The following INTS7 variants were observed in gnomAD, a reference collection of about 807,000 sequenced individuals.
INTS7 encodes chromosome 1 open reading frame 73.
A neutral mutation model predicts 109.2 loss-of-function variants in INTS7; 46 were observed. The ratio of observed to expected loss-of-function variants is 0.42; its 90% CI spans 0.33 to 0.54. The LOEUF is 0.54. INTS7 is among the 20% of genes least tolerant of loss of function. INTS7 has a pLI of 0.07. For missense variants in INTS7, 929 were observed against 1,132.4 expected (o/e 0.82, Z 2.58); for synonymous variants, 412 against 402.9 (o/e 1.02, Z -0.27).
chr1:212,007,813 C>A (rs1666000502), intron 5 of INTS7, among the ~76,000 whole-genome samples: 1 of 152,130 alleles, frequency 6.6e-6, no homozygotes, highest in Admixed American at 6.5e-5. Context: ...TGGCTACAGT[C>A]TGATTATACT....
At chr1:211,963,703 A>G (rs1284922169) in intron 16 of INTS7, among the ~76,000 whole-genome samples, 1 of 152,262 alleles carries the variant, frequency 6.6e-6, no homozygotes, top group Admixed American at 6.5e-5. Flanking sequence ...AATAAATGTG[A>G]TTCATCACAT....
At chr1:212,035,290 G>A in intron 1 of INTS7, 54 bp downstream of exon 1, 1 of 1,193,882 alleles carries the variant, frequency 8.4e-7, no homozygotes, top group Non-Finnish European at 1.3e-6. Context: ...ACCACCTGGT[G>A]GCGCCACTTC....
intron 13 of INTS7, among the ~76,000 whole-genome samples, chr1:211,974,937 G>A (rs1031328576): frequency 4.6e-5 from 7 of 152,138 alleles, no homozygotes; most frequent in Non-Finnish European, 8.8e-5. Flanking sequence ...ATTCTGCATG[G>A]ATTCAGCAAT....
intron 7 of INTS7, among the ~76,000 whole-genome samples, chr1:211,989,960 AC>A (rs1438982263): frequency 6.6e-6 from 1 of 152,218 alleles, no homozygotes; most frequent in Non-Finnish European, 1.5e-5. Flanking sequence ...AAAATGTGTC[AC>A]TTTTTACCTA....
intron 7 of INTS7, among the ~76,000 whole-genome samples, chr1:211,998,759 T>C (rs1318427319): frequency 6.6e-6 from 1 of 151,456 alleles, no homozygotes; most frequent in Non-Finnish European, 1.5e-5. Flanking sequence ...GGAATATTTG[T>C]AAAACATACA....
At chr1:212,028,849 G>A (rs1208656218) in intron 1 of INTS7, among the ~76,000 whole-genome samples, 1 of 152,146 alleles carries the variant, frequency 6.6e-6, no homozygotes, top group Non-Finnish European at 1.5e-5. Flanking sequence ...TGAGGAAACA[G>A]GCACAGACAA....
intron 1 of INTS7, among the ~76,000 whole-genome samples, chr1:212,032,085 C>T (rs935728878): frequency 4.6e-5 from 7 of 152,182 alleles, no homozygotes; most frequent in African/African-American, 1.7e-4. Flanking sequence ...ATACATCCTC[C>T]CAGTAGCTCA....
At chr1:211,956,215 C>T (rs960718486) in intron 16 of INTS7, among the ~76,000 whole-genome samples, 3 of 152,184 alleles carry the variant, frequency 2.0e-5, no homozygotes, top group Non-Finnish European at 4.4e-5. Context: ...CAAGTGACTA[C>T]GTGAGTATTT....
At chr1:211,965,166 C>T (rs1156753647) in intron 16 of INTS7, among the ~76,000 whole-genome samples, 4 of 151,242 alleles carry the variant, frequency 2.6e-5, no homozygotes, top group African/African-American at 9.7e-5. Flanking sequence ...CAAAGACATA[C>T]ACATGGCCAA....
At chr1:212,011,764 T>C (rs563299008) in intron 4 of INTS7, 136 of 203,150 alleles carry the variant, frequency 6.7e-4, no homozygotes, top group Non-Finnish European at 1.2e-3. Context: ...TTTCTGGAAC[T>C]TAGAAAAGTG....
rs193075952 is a variant in INTS7 at position 212,013,945 on chromosome 1, C to T, written c.510-2524G>A. ...AGAATGTAACCTCATAGTTAAGAGACGTGTGACTGAAATTTTTAAAAGTCC... is the reference window on the plus strand; with the variant it reads ...AGAATGTAACCTCATAGTTAAGAGATGTGTGACTGAAATTTTTAAAAGTCC... On this transcript the variant is annotated intron_variant, in intron 4 of 19. Coordinates refer to ENST00000366994, the MANE Select transcript of INTS7 (RefSeq NM_015434.4). 8.5e-5 allele frequency among the ~76,000 whole-genome samples: 13 copies of T among 152,220 alleles called. No homozygotes were observed. The East Asian group carries it at 2.1e-3, about 25-fold the overall frequency.
rs1663884341 is a variant in INTS7 at position 211,966,462 on chromosome 1, T to A, written c.2151A>T (p.Ile717=). The A allele has an allele frequency of 6.2e-7, 1 of 1,608,944 alleles. No homozygotes were observed. Among genetic ancestry groups the A allele is most frequent in the Non-Finnish European group, 8.5e-7 (1 of 1,175,898 alleles). ...ATTCTGGATCCAAAATCAGGGCTTC[T>A]ATTGCATGAGATATCAGTAAACAGC... is the stretch of plus-strand genomic sequence containing the variant. The part of the protein sequence containing the change: ...QQSCLLISHA[I]EALILDPESA... Residue 717 remains isoleucine (I), a synonymous_variant, in exon 16 of 20, where the codon ATA becomes ATT. Transcript: ENST00000366994.
chr1:212,001,133 C>T (rs374748825), intron 7 of INTS7, among the ~76,000 whole-genome samples: 1 of 143,174 alleles, frequency 7.0e-6, no homozygotes, highest in African/African-American at 2.6e-5. Context: ...ATGGCGCGAT[C>T]TAGGCTCACC....
chr1:211,982,527 A>T, intron 9 of INTS7, 149 bp downstream of exon 9: 1 of 558,442 alleles, frequency 1.8e-6, no homozygotes, highest in Non-Finnish European at 3.1e-6. Flanking sequence ...TAGTCTTAAG[A>T]ACACATGCTC....
At chr1:211,944,741 C>A in intron 19 of INTS7, 43 bp downstream of exon 19, 1 of 1,491,276 alleles carries the variant, frequency 6.7e-7, no homozygotes. Flanking sequence ...TCAATGAGCT[C>A]ATATAAAACC....
intron 16 of INTS7, among the ~76,000 whole-genome samples, chr1:211,960,495 T>G (rs1323709614): frequency 2.0e-5 from 3 of 152,104 alleles, no homozygotes; most frequent in African/African-American, 7.2e-5. Context: ...AGAGTATGGA[T>G]GGGAATGAAG....
chr1:212,031,797 T>C (rs902118547), intron 1 of INTS7, among the ~76,000 whole-genome samples: 1 of 152,218 alleles, frequency 6.6e-6, no homozygotes, highest in Non-Finnish European at 1.5e-5. Context: ...AAAATAGTAT[T>C]CACTTATTCC....
chr1:211,954,619 A>T (rs956834008), intron 16 of INTS7, among the ~76,000 whole-genome samples: 7 of 152,222 alleles, frequency 4.6e-5, no homozygotes, highest in Non-Finnish European at 1.0e-4. Context: ...ACATATGGCT[A>T]ACCAGTTTTC....
intron 7 of INTS7, among the ~76,000 whole-genome samples, chr1:211,996,437 C>CA (rs991805526): frequency 9.2e-4 from 133 of 144,972 alleles, no homozygotes; most frequent in Middle Eastern, 6.9e-3. Flanking sequence ...CAAAGCAAAA[C>CA]AAAAAAAAAA....
Sources: allele counts gnomAD v4.1 joint callset (sites outside exome capture counted in the v4.1 genomes callset), GRCh38; gene constraint gnomAD v4.1.1; transcripts MANE v1.5; gene names NCBI Gene and HGNC (gene_info 2026-07-23, HGNC 2026-07-21).